GALNT14: variants seen among roughly 807,000 people sequenced by gnomAD.
The protein encoded by GALNT14 is polypeptide N-acetylgalactosaminyltransferase 14.
Under a neutral mutation model 77.5 loss-of-function variants are expected in GALNT14, and 60 were observed. The ratio of observed to expected loss-of-function variants is 0.77; its 90% CI spans 0.63 to 0.96. GALNT14 has a LOEUF of 0.96. GALNT14 is among the 40% of genes least tolerant of loss of function. GALNT14 has a pLI of 0.00. For missense variants in GALNT14, 710 were observed against 731.0 expected (o/e 0.97, Z 0.33); for synonymous variants, 280 against 281.7 (o/e 0.99, Z 0.06).
intron 1 of GALNT14, among the ~76,000 whole-genome samples, chr2:31,023,199 G>A (rs988803212): frequency 1.4e-4 from 21 of 151,854 alleles, no homozygotes; most frequent in Non-Finnish European, 2.8e-4. Context: ...ATGTTTGAAG[G>A]CTCAAACCAA....
intron 1 of GALNT14, among the ~76,000 whole-genome samples, chr2:31,099,422 ATT>A (rs2148611094): frequency 1.3e-5 from 2 of 151,834 alleles, no homozygotes; most frequent in South Asian, 4.1e-4. Context: ...TTTTCCTTCA[ATT>A]TTTATTTACT....
intron 2 of GALNT14, among the ~76,000 whole-genome samples, chr2:30,970,441 C>T (rs776866808): frequency 4.6e-5 from 7 of 152,126 alleles, no homozygotes; most frequent in African/African-American, 7.2e-5. Context: ...CACGTAAGCA[C>T]GTGGTGTTTA....
At chr2:30,998,901 T>C (rs1670197174) in intron 1 of GALNT14, among the ~76,000 whole-genome samples, 1 of 152,256 alleles carries the variant, frequency 6.6e-6, no homozygotes. Flanking sequence ...AGCCAACTTC[T>C]TTCTTTGCTT....
At chr2:31,032,106 T>A (rs956713465) in intron 1 of GALNT14, among the ~76,000 whole-genome samples, 48 of 152,178 alleles carry the variant, frequency 3.2e-4, no homozygotes, top group African/African-American at 1.1e-3. Context: ...CTCTCATGGA[T>A]ACAAAATGGG....
chr2:31,020,004 T>C (rs1671616350), intron 1 of GALNT14, among the ~76,000 whole-genome samples: 1 of 152,170 alleles, frequency 6.6e-6, no homozygotes, highest in Non-Finnish European at 1.5e-5. Flanking sequence ...GCCGATTACA[T>C]GCTTATTACT....
intron 3 of GALNT14, among the ~76,000 whole-genome samples, chr2:30,960,030 C>G (rs1421260954): frequency 2.0e-5 from 3 of 152,204 alleles, no homozygotes; most frequent in Non-Finnish European, 4.4e-5. Context: ...TGGAAGAGAA[C>G]TTAGCCTGGA....
At chr2:31,123,404 T>C (rs77843342) in intron 1 of GALNT14, among the ~76,000 whole-genome samples, 2,814 of 152,182 alleles carry the variant, frequency 0.018, 34 homozygotes, top group Non-Finnish European at 0.026. Flanking sequence ...CCAAAACGTA[T>C]AGAACCCACG....
chr2:30,915,817 G>A (rs1664643021), intron 13 of GALNT14, among the ~76,000 whole-genome samples: 1 of 152,194 alleles, frequency 6.6e-6, no homozygotes, highest in South Asian at 2.1e-4. Flanking sequence ...CTGACTGAGT[G>A]GGTAAGTTAA....
At chr2:31,097,618 T>C (rs1042148586) in intron 1 of GALNT14, among the ~76,000 whole-genome samples, 4 of 152,090 alleles carry the variant, frequency 2.6e-5, no homozygotes, top group Non-Finnish European at 5.9e-5. Flanking sequence ...GACCAGGGTA[T>C]TATTATCTGG....
chr2:31,000,893 A>G (rs1312193655), intron 1 of GALNT14, among the ~76,000 whole-genome samples: 1 of 152,196 alleles, frequency 6.6e-6, no homozygotes. Flanking sequence ...CTAGTGAGTG[A>G]GGGGTACCTA....
intron 2 of GALNT14, 41 bp downstream of exon 2, chr2:30,992,795 CTT>C (rs1160645460): frequency 3.7e-6 from 6 of 1,601,158 alleles, no homozygotes; most frequent in Admixed American, 1.7e-5. Flanking sequence ...CTGTTGATCT[CTT>C]TTGACTGCGG....
At chr2:31,063,930 A>T (rs1010496927) in intron 1 of GALNT14, among the ~76,000 whole-genome samples, 1 of 152,200 alleles carries the variant, frequency 6.6e-6, no homozygotes, top group Non-Finnish European at 1.5e-5. Context: ...GTACCTAGGT[A>T]TATAATTTTG....
At chr2:30,962,317 C>A (rs1027633848) in intron 3 of GALNT14, among the ~76,000 whole-genome samples, 3 of 152,208 alleles carry the variant, frequency 2.0e-5, no homozygotes, top group Non-Finnish European at 2.9e-5. Context: ...CTGTTAAGGG[C>A]AGAGCCATGA....
chr2:31,093,144 C>A (rs2148601771), intron 1 of GALNT14, among the ~76,000 whole-genome samples: 1 of 152,262 alleles, frequency 6.6e-6, no homozygotes, highest in East Asian at 1.9e-4. Context: ...TGTAATATCT[C>A]TGCCCACCAT....
intron 1 of GALNT14, among the ~76,000 whole-genome samples, chr2:31,126,424 C>G (rs1416879915): frequency 6.6e-6 from 1 of 152,132 alleles, no homozygotes; most frequent in South Asian, 2.1e-4. Context: ...TACTTATAAA[C>G]AGCATGATCT....
the GALNT14 span, among the ~76,000 whole-genome samples, chr2:30,898,241 C>T: frequency 2.0e-5 from 3 of 151,964 alleles, no homozygotes; most frequent in African/African-American, 7.3e-5. Context: ...CTTGGACTTC[C>T]CAGCCTCCAC....
At position 30,931,949 on chromosome 2, in the gene GALNT14, G is replaced by T. The variant is rs370686176; in HGVS notation, c.1058+119C>A. ...GTAGTACGAGGTGCAGCCCCGGCCA[G>T]TTCAAATCACACAGGCAGCCTAACA... On this transcript the variant is annotated intron_variant, in intron 10 of 14. Coordinates refer to ENST00000349752, the MANE Select transcript of GALNT14 (RefSeq NM_024572.4). 1.5e-5 allele frequency: 16 copies of T among 1,088,278 alleles called. No homozygotes were observed. In the African/African-American group the frequency reaches 2.3e-4, roughly 16 times the overall value. 67.4% of individuals were successfully genotyped at this position (1,088,278 alleles called of 1,614,324 possible).
chr2:31,087,562 A>G (rs1156320635), intron 1 of GALNT14, among the ~76,000 whole-genome samples: 3 of 76,196 alleles, frequency 3.9e-5, no homozygotes, highest in Non-Finnish European at 9.2e-5. Context: ...GTCCTTAGAA[A>G]CAACACCACT....
chr2:31,024,441 C>A (rs1671918544), intron 1 of GALNT14, among the ~76,000 whole-genome samples: 1 of 152,140 alleles, frequency 6.6e-6, no homozygotes, highest in Non-Finnish European at 1.5e-5. Context: ...TCTCCCCTCA[C>A]TCCCTCTACT....
Sources: gnomAD v4.1 joint callset for allele counts (sites outside exome capture counted in the v4.1 genomes callset) on GRCh38, gnomAD v4.1.1 for gene constraint, MANE v1.5 for transcripts, NCBI Gene and HGNC (gene_info 2026-07-23, HGNC 2026-07-21) for gene names.